CSMD3: variants seen among roughly 807,000 people sequenced by gnomAD.
The protein encoded by CSMD3 is CUB and sushi domain-containing protein 3.
In CSMD3, 177 loss-of-function variants were observed where a neutral mutation model predicts 435.2. The ratio of observed to expected loss-of-function variants is 0.41; its 90% confidence interval spans 0.36 to 0.46. CSMD3 has a LOEUF of 0.46. Among genes scored for constraint, CSMD3 ranks in the 20% least tolerant of loss-of-function variants. The pLI is 0.34. For missense variants in CSMD3, 4,265 were observed against 4,504.6 expected, an observed-to-expected ratio of 0.95 and a Z score of 1.52; for synonymous variants, 1,656 against 1,520.5, an observed-to-expected ratio of 1.09 and a Z score of -2.07.
intron 4 of CSMD3, among the ~76,000 whole-genome samples, chr8:113,117,326 A>C (rs1383576113): frequency 6.6e-6 from 1 of 152,200 alleles, no homozygotes; most frequent in Non-Finnish European, 1.5e-5. Flanking sequence ...AGGTGTGAGC[A>C]CCAACCCTTG....
chr8:112,760,417 T>G (rs1222455837), intron 13 of CSMD3, among the ~76,000 whole-genome samples: 4 of 152,170 alleles, frequency 2.6e-5, no homozygotes, highest in Non-Finnish European at 5.9e-5. Flanking sequence ...ATGAAATGTG[T>G]CAGTTGTCAC....
chr8:112,659,757 G>T (rs4876480), intron 17 of CSMD3, among the ~76,000 whole-genome samples: 15,296 of 151,946 alleles, frequency 0.1, 889 homozygotes, highest in Middle Eastern at 0.29. Context: ...AGAGGTAAAT[G>T]GTTTTAAAAA....
intron 35 of CSMD3, among the ~76,000 whole-genome samples, chr8:112,398,340 T>G (rs1482347652): frequency 6.6e-6 from 1 of 152,160 alleles, no homozygotes; most frequent in Non-Finnish European, 1.5e-5. Flanking sequence ...ACTACAGCTC[T>G]CACAGGTTAG....
At position 112,224,775 on chromosome 8, in the gene CSMD3, A is replaced by G; in HGVS notation, c.11120T>C (p.Val3707Ala). The change falls in exon 71 of 71, where the codon GTA becomes GCA. Residue 3707 changes from valine to alanine, a missense_variant. Physicochemically the swap from Val to Ala is moderately conservative, Grantham distance 64. Around this residue, in one of 3 missense-constraint regions of CSMD3, gnomAD observed 3,255 missense variants for 3,380.2 expected, o/e 0.96. Transcript: ENST00000297405. ...DPNLNTVCTM[V>A] ...AAGAAGGCAAAGGTTGCCTCGTTAT[A>G]CCATTGTGCAAACCGTGTTCAAGTT... 1 of 1,614,046 alleles carries G rather than the reference A, an allele frequency of 6.2e-7. No individual in the cohort carries two copies. The highest frequency in any genetic ancestry group is 8.5e-7 in the Non-Finnish European group (1 of 1,179,898).
intron 3 of CSMD3, among the ~76,000 whole-genome samples, chr8:113,248,467 TG>T (rs148295960): frequency 0.83 from 108,567 of 130,934 alleles, 43,128 homozygotes; most frequent in Middle Eastern, 0.9. Context: ...TGTGTGTGTG[TG>T]ATATATATGT....
chr8:112,664,234 T>C (rs984783901), intron 17 of CSMD3, among the ~76,000 whole-genome samples: 1 of 152,134 alleles, frequency 6.6e-6, no homozygotes, highest in Non-Finnish European at 1.5e-5. Context: ...GTTTTTCAAA[T>C]GTAAAATACT....
At chr8:112,634,151 T>C (rs1218071408) in intron 22 of CSMD3, among the ~76,000 whole-genome samples, 7 of 151,910 alleles carry the variant, frequency 4.6e-5, no homozygotes, top group African/African-American at 1.7e-4. Flanking sequence ...ATAAAAGCTG[T>C]CCAAATAAAC....
intron 8 of CSMD3, among the ~76,000 whole-genome samples, chr8:112,949,750 T>C (rs2083743659): frequency 6.6e-6 from 1 of 152,022 alleles, no homozygotes; most frequent in Non-Finnish European, 1.5e-5. Context: ...AATCTCCAAT[T>C]ATTCTAGATT....
chr8:113,291,895 G>GATTTTAGAAAAA (rs2093689002), intron 2 of CSMD3, among the ~76,000 whole-genome samples: 1 of 151,494 alleles, frequency 6.6e-6, no homozygotes, highest in Non-Finnish European at 1.5e-5. Context: ...TAACTTCCTT[G>GATTTTAGAAAAA]ATAGATTTTC....
At chr8:112,598,587 C>T (rs1295774138) in intron 22 of CSMD3, among the ~76,000 whole-genome samples, 1 of 150,748 alleles carries the variant, frequency 6.6e-6, no homozygotes, top group Non-Finnish European at 1.5e-5. Flanking sequence ...AAGAACAAAG[C>T]TGGAGGCATC....
chr8:112,271,407 C>T (rs997413428), intron 59 of CSMD3, among the ~76,000 whole-genome samples: 1 of 152,032 alleles, frequency 6.6e-6, no homozygotes, highest in Non-Finnish European at 1.5e-5. Flanking sequence ...ATTAATGAGA[C>T]ATTTTCATAT....
intron 32 of CSMD3, among the ~76,000 whole-genome samples, chr8:112,438,706 G>C (rs548668568): frequency 1.1e-3 from 167 of 152,098 alleles, no homozygotes; most frequent in Admixed American, 3.9e-3. Flanking sequence ...TGGCCAACAG[G>C]GTCATGAATC....
At chr8:112,959,063 C>A (rs1448446090) in intron 7 of CSMD3, among the ~76,000 whole-genome samples, 1 of 152,046 alleles carries the variant, frequency 6.6e-6, no homozygotes, top group Non-Finnish European at 1.5e-5. Flanking sequence ...ATTACATAAT[C>A]TCAAAAGTTA....
At chr8:112,803,429 G>A (rs2079006462) in intron 12 of CSMD3, among the ~76,000 whole-genome samples, 1 of 152,064 alleles carries the variant, frequency 6.6e-6, no homozygotes, top group Non-Finnish European at 1.5e-5. Flanking sequence ...CTAACCCTGA[G>A]CCTACTCAAT....
chr8:112,918,002 A>G (rs1379662530), intron 10 of CSMD3, among the ~76,000 whole-genome samples: 1 of 151,874 alleles, frequency 6.6e-6, no homozygotes, highest in Non-Finnish European at 1.5e-5. Context: ...GGCCATTTCC[A>G]AACATGGAAA....
intron 5 of CSMD3, among the ~76,000 whole-genome samples, chr8:113,085,456 T>A (rs1176856284): frequency 2.6e-5 from 4 of 152,154 alleles, no homozygotes; most frequent in Non-Finnish European, 5.9e-5. Context: ...TAAATAAGTA[T>A]ATCAAACAGA....
At chr8:112,468,497 C>T (rs572297159) in intron 32 of CSMD3, among the ~76,000 whole-genome samples, 5 of 152,116 alleles carry the variant, frequency 3.3e-5, no homozygotes, top group African/African-American at 1.2e-4. Context: ...TCCTCCCTCC[C>T]CGAAATCTTA....
intron 27 of CSMD3, among the ~76,000 whole-genome samples, chr8:112,521,735 G>A (rs1247187317): frequency 6.6e-6 from 1 of 151,622 alleles, no homozygotes; most frequent in Non-Finnish European, 1.5e-5. Flanking sequence ...TTTAACTTCT[G>A]TACTTAGATA....
At position 112,337,587 on chromosome 8, in the gene CSMD3, T is replaced by C; in HGVS notation, c.6797A>G (p.His2266Arg). 6.2e-7 allele frequency: 1 copy of C among 1,613,976 alleles called. No individual in the cohort carries two copies. Among genetic ancestry groups the C allele is most frequent in the South Asian group, 1.1e-5 (1 of 91,086 alleles). ...ATGATTCCAATTACGACTGACTCCG[T>C]GAAGGCATGTGAGAGCTGAATTTCC... ...LIGNSALTCL[H>R]GVSRNWNHPL... Residue 2266 changes from histidine (H) to arginine (R), a missense_variant, in exon 43 of 71, where the codon CAC becomes CGC. His to Arg is a conservative substitution (Grantham distance 29). Coordinates refer to ENST00000297405, the MANE Select transcript of CSMD3 (RefSeq NM_198123.2).
Sources: gnomAD v4.1 joint callset for allele counts (sites outside exome capture counted in the v4.1 genomes callset) on GRCh38, gnomAD v4.1.1 for gene constraint, gnomAD v4.1.1 regional missense constraint, MANE v1.5 for transcripts, NCBI Gene and HGNC (gene_info 2026-07-23, HGNC 2026-07-21) for gene names.